CCSER1: variants seen among roughly 807,000 people sequenced by gnomAD.
CCSER1 encodes coiled-coil serine rich protein 1.
CCSER1 carries 41 observed loss-of-function variants against 82.0 expected under a neutral mutation model. The ratio of observed to expected loss-of-function variants is 0.50; its 90% CI spans 0.39 to 0.65. CCSER1 has a LOEUF of 0.65. Ranked by LOEUF, CCSER1 falls within the 30% of genes least tolerant of loss-of-function variation. The probability of loss-of-function intolerance (pLI) is 0.00; values close to 1 mark genes in which losing one functional copy is unlikely to be tolerated. For synonymous variants in CCSER1, 414 were observed against 383.9 expected (o/e 1.08, Z -0.92); for missense variants, 1,119 against 1,064.2 (o/e 1.05, Z -0.72).
intron 10 of CCSER1, among the ~76,000 whole-genome samples, chr4:91,525,997 A>G (rs1350224005): frequency 6.6e-6 from 1 of 152,164 alleles, no homozygotes; most frequent in East Asian, 1.9e-4. Context: ...TCCCAAATAT[A>G]TTTACTTTTC....
intron 10 of CCSER1, among the ~76,000 whole-genome samples, chr4:91,096,669 T>A (rs1352331372): frequency 6.6e-6 from 1 of 152,210 alleles, no homozygotes; most frequent in African/African-American, 2.4e-5. Context: ...GGAGTCATAG[T>A]GACTCCATAG....
chr4:90,243,670 G>A (rs1017008414), intron 1 of CCSER1, among the ~76,000 whole-genome samples: 3 of 152,082 alleles, frequency 2.0e-5, no homozygotes, highest in African/African-American at 4.8e-5. Flanking sequence ...TTACAGACAT[G>A]TGCCACCATA....
chr4:91,307,124 A>G lies in CCSER1; in HGVS notation c.2217+221130A>G, dbSNP rs148277865. ...TTTTCAAATGAACATGATTTTAGGT[A>G]CCCAATGATTTTTGAAAGAGTTGTG... On this transcript the variant is annotated intron_variant, in intron 10 of 10. Coordinates refer to ENST00000509176, the MANE Select transcript of CCSER1 (RefSeq NM_001145065.2). Among the ~76,000 whole-genome samples, 74 of 152,076 alleles carry G rather than the reference A, an allele frequency of 4.9e-4. 1 individual carries two copies. The East Asian group carries it at 0.014, about 28-fold the overall frequency.
chr4:91,443,778 G>A (rs184106651), intron 10 of CCSER1, among the ~76,000 whole-genome samples: 2 of 148,888 alleles, frequency 1.3e-5, no homozygotes, highest in East Asian at 3.9e-4. Context: ...ATTCATTTCA[G>A]ATAAAAAGAA....
intron 6 of CCSER1, 45 bp downstream of exon 6, chr4:90,628,277 A>G (rs757277348): frequency 6.6e-7 from 1 of 1,506,508 alleles, no homozygotes. Flanking sequence ...GCTGGTAGAC[A>G]ATGAAGTCTG....
intron 10 of CCSER1, among the ~76,000 whole-genome samples, chr4:91,088,206 G>A (rs914948363): frequency 2.0e-5 from 3 of 152,058 alleles, no homozygotes; most frequent in Non-Finnish European, 4.4e-5. Context: ...ATTGATAAAT[G>A]ACAATAATTG....
At chr4:90,485,979 ACT>A (rs1349389727) in intron 5 of CCSER1, among the ~76,000 whole-genome samples, 1 of 151,868 alleles carries the variant, frequency 6.6e-6, no homozygotes, top group Non-Finnish European at 1.5e-5. Context: ...AACTCAGAGG[ACT>A]CTGTCATGTG....
chr4:90,705,022 G>A (rs577318190), intron 6 of CCSER1, among the ~76,000 whole-genome samples: 2 of 152,352 alleles, frequency 1.3e-5, no homozygotes, highest in South Asian at 2.1e-4. Context: ...GTGAGGAGCT[G>A]TGTTCCTTTG....
chr4:90,862,146 G>A (rs187544889), intron 8 of CCSER1, among the ~76,000 whole-genome samples: 44 of 151,732 alleles, frequency 2.9e-4, no homozygotes, highest in African/African-American at 1.1e-3. Context: ...ACATTTCTGA[G>A]TACAATTTAT....
intron 9 of CCSER1, among the ~76,000 whole-genome samples, chr4:90,983,563 TA>T (rs1202369393): frequency 1.3e-5 from 2 of 151,686 alleles, no homozygotes; most frequent in East Asian, 3.9e-4. Flanking sequence ...TTATTAATAA[TA>T]TAGAGCCTTA....
chr4:90,956,675 T>C (rs1733463218), intron 9 of CCSER1, among the ~76,000 whole-genome samples: 1 of 152,038 alleles, frequency 6.6e-6, no homozygotes, highest in African/African-American at 2.4e-5. Context: ...ACAGACACTT[T>C]AAGAAGTGCT....
intron 1 of CCSER1, among the ~76,000 whole-genome samples, chr4:90,250,986 T>A (rs1722273564): frequency 1.3e-5 from 2 of 151,996 alleles, no homozygotes; most frequent in Admixed American, 1.3e-4. Context: ...CATTTTTAGA[T>A]TATTTTCTAC....
intron 10 of CCSER1, among the ~76,000 whole-genome samples, chr4:91,520,305 C>T (rs377009683): frequency 1.4e-5 from 2 of 146,282 alleles, no homozygotes; most frequent in East Asian, 2.0e-4. Context: ...AAAACTGTTT[C>T]TTTTTTTTTT....
chr4:91,130,375 C>A (rs1362793804), intron 10 of CCSER1, among the ~76,000 whole-genome samples: 1 of 151,862 alleles, frequency 6.6e-6, no homozygotes, highest in African/African-American at 2.4e-5. Flanking sequence ...CTCCAACTTA[C>A]ACCTAAATGT....
chr4:91,048,063 G>T (rs1182733030), intron 9 of CCSER1, among the ~76,000 whole-genome samples: 2 of 151,860 alleles, frequency 1.3e-5, no homozygotes, highest in Non-Finnish European at 2.9e-5. Flanking sequence ...CACCCCAACT[G>T]AAAAATCACT....
At position 91,058,328 on chromosome 4, in the gene CCSER1, A is replaced by G. The variant is rs140393045; in HGVS notation, c.2173-27622A>G. ...TGCAGCTTTAAAAAACAACAAGATA[A>G]TGTTCTTTACAAGGACATGGGTAGA... is the stretch of plus-strand genomic sequence containing the variant. On this transcript the variant is annotated intron_variant, in intron 9 of 10. Coordinates refer to ENST00000509176, the MANE Select transcript of CCSER1 (RefSeq NM_001145065.2). 1.2e-3 allele frequency among the ~76,000 whole-genome samples: 181 copies of G among 152,158 alleles called. 1 individual carries two copies. Among genetic ancestry groups the G allele is most frequent in the Non-Finnish European group, 2.1e-3 (144 of 67,980 alleles).
rs941900698 is a variant in CCSER1 at position 91,242,146 on chromosome 4, GA to G, written c.2217+156161del. 4.4e-3 allele frequency among the ~76,000 whole-genome samples: 657 copies of G among 150,324 alleles called. 7 individuals are homozygous for G. Among genetic ancestry groups the G allele is most frequent in the African/African-American group, 0.015 (605 of 41,046 alleles). On this transcript the variant is annotated intron_variant, in intron 10 of 10. Transcript: ENST00000509176. Reference sequence around the variant, plus strand: ...AATTTAACATGAAACCAGATATTTGGAAAAAAAAAGGAAATGTGTTTGAGAA... The same window carrying G: ...AATTTAACATGAAACCAGATATTTGGAAAAAAAAGGAAATGTGTTTGAGAA...
intron 10 of CCSER1, among the ~76,000 whole-genome samples, chr4:91,170,567 G>A (rs1360931321): frequency 6.6e-6 from 1 of 152,136 alleles, no homozygotes; most frequent in African/African-American, 2.4e-5. Flanking sequence ...GGCAGCTCTA[G>A]GCTTGAACCA....
intron 1 of CCSER1, among the ~76,000 whole-genome samples, chr4:90,187,338 T>C (rs1734791929): frequency 6.6e-6 from 1 of 150,696 alleles, no homozygotes; most frequent in Non-Finnish European, 1.5e-5. Context: ...ACATTGTAGA[T>C]TTGATAAAAT....
Sources: gnomAD v4.1 joint callset for allele counts (sites outside exome capture counted in the v4.1 genomes callset) on GRCh38, gnomAD v4.1.1 for gene constraint, MANE v1.5 for transcripts, NCBI Gene and HGNC (gene_info 2026-07-23, HGNC 2026-07-21) for gene names.